CFAP54: variants seen among roughly 807,000 people sequenced by gnomAD.
CFAP54 encodes cilia- and flagella-associated protein 54.
A neutral mutation model predicts 370.4 loss-of-function variants in CFAP54; 290 were observed. The observed-to-expected ratio is 0.78, with a 90% CI of 0.71 to 0.86. CFAP54 has a LOEUF of 0.86. Among genes scored for constraint, CFAP54 ranks in the 40% least tolerant of loss-of-function variants. The probability of loss-of-function intolerance (pLI) is 0.00; values close to 1 mark genes in which losing one functional copy is unlikely to be tolerated. For missense variants in CFAP54, 3,399 were observed against 3,528.7 expected, an observed-to-expected ratio of 0.96 and a Z score of 0.93; for synonymous variants, 1,206 against 1,236.5, an observed-to-expected ratio of 0.98 and a Z score of 0.52.
At chr12:96,848,468 G>A (rs1005279164) in intron 66 of CFAP54, among the ~76,000 whole-genome samples, 1 of 152,170 alleles carries the variant, frequency 6.6e-6, no homozygotes, top group African/African-American at 2.4e-5. Context: ...GGAGGCCAAG[G>A]CAGGTGGATC....
At chr12:96,597,517 T>A (rs1680873410) in intron 25 of CFAP54, among the ~76,000 whole-genome samples, 1 of 152,000 alleles carries the variant, frequency 6.6e-6, no homozygotes, top group African/African-American at 2.4e-5. Context: ...GAAGTAACAG[T>A]ACCCCCAGAT....
intron 1 of CFAP54, among the ~76,000 whole-genome samples, chr12:96,500,190 G>A (rs1216935590): frequency 6.6e-6 from 1 of 152,200 alleles, no homozygotes; most frequent in African/African-American, 2.4e-5. Flanking sequence ...CTAAGTGAAA[G>A]AAGCCAATCT....
chr12:96,664,781 A>ATCTATATCTATATCTATC (rs1565934511), intron 39 of CFAP54, among the ~76,000 whole-genome samples: 2 of 25,924 alleles, frequency 7.7e-5, no homozygotes, highest in African/African-American at 2.5e-4. Context: ...CTATATCTAT[A>ATCTATATCTATATCTATC]TATATATATA....
chr12:96,664,777 C>CTATATATATATA (rs1255477327), intron 39 of CFAP54, among the ~76,000 whole-genome samples: 1 of 14,994 alleles, frequency 6.7e-5, no homozygotes, highest in Non-Finnish European at 1.3e-4. Context: ...ATATCTATAT[C>CTATATATATATA]TATATATATA....
intron 65 of CFAP54, among the ~76,000 whole-genome samples, chr12:96,825,662 G>C (rs1407335216): frequency 8.5e-6 from 1 of 117,260 alleles, no homozygotes; most frequent in Non-Finnish European, 1.6e-5. Flanking sequence ...TATATATCAT[G>C]CTATAATATA....
intron 24 of CFAP54, 91 bp from the exon 25 acceptor site, chr12:96,594,200 A>G (rs1956152619): frequency 1.3e-5 from 12 of 914,002 alleles, no homozygotes; most frequent in Non-Finnish European, 1.5e-5. Flanking sequence ...GTTTTTAGCC[A>G]GAAGGATCAC....
intron 64 of CFAP54, among the ~76,000 whole-genome samples, chr12:96,816,379 T>C (rs956065021): frequency 1.4e-4 from 22 of 152,188 alleles, no homozygotes; most frequent in Non-Finnish European, 2.6e-4. Context: ...ATTATTGGTG[T>C]ATAGGATGAC....
chr12:96,647,835 G>T (rs1411858272), intron 33 of CFAP54, 40 bp from the exon 34 acceptor site: 19 of 1,448,582 alleles, frequency 1.3e-5, no homozygotes, highest in African/African-American at 5.8e-5. Flanking sequence ...ATTCAATTTT[G>T]CTTATATTGT....
At position 96,811,626 on chromosome 12, in the gene CFAP54, CAAAT is replaced by C. The variant is rs1221525018; in HGVS notation, c.8851-108_8851-105del. ...GAAAACCCAATTTTTCTCTTCTAAACAAATACTTTTCAAAGTACAGTGATATTAT... is the reference window on the plus strand; with the variant it reads ...GAAAACCCAATTTTTCTCTTCTAAACACTTTTCAAAGTACAGTGATATTAT... On this transcript the variant is annotated intron_variant, in intron 63 of 67. Coordinates refer to ENST00000524981, the MANE Select transcript of CFAP54 (RefSeq NM_001306084.2). 9 of 591,298 alleles carry C rather than the reference CAAAT, an allele frequency of 1.5e-5. No individual in the cohort carries two copies. In the East Asian group the frequency reaches 2.6e-4, roughly 17 times the overall value. 36.6% of individuals were successfully genotyped at this position (591,298 alleles called of 1,614,324 possible).
In CFAP54 at chr12:96,644,003, T is replaced by A. The variant is rs1477586654; in HGVS notation, c.4317-175T>A. 2.6e-5 allele frequency among the ~76,000 whole-genome samples: 4 copies of A among 152,196 alleles called. No homozygotes were observed. The East Asian group carries it at 5.8e-4, about 22-fold the overall frequency. On this transcript the variant is annotated intron_variant, in intron 32 of 67. Coordinates refer to ENST00000524981, the MANE Select transcript of CFAP54 (RefSeq NM_001306084.2). ...TGGTGCTTATCCCTGTGCCTTTTTTTAAACCACCCTGGTTCATATTTCTAG... is the reference window on the plus strand; with the variant it reads ...TGGTGCTTATCCCTGTGCCTTTTTTAAAACCACCCTGGTTCATATTTCTAG...
At chr12:96,706,445 G>C (rs1415540837) in intron 47 of CFAP54, among the ~76,000 whole-genome samples, 2 of 152,164 alleles carry the variant, frequency 1.3e-5, no homozygotes, top group Non-Finnish European at 2.9e-5. Context: ...AAAGGTAAGT[G>C]AAAAGGCCCT....
intron 63 of CFAP54, among the ~76,000 whole-genome samples, chr12:96,808,924 C>A (rs1173863787): frequency 6.6e-6 from 1 of 152,144 alleles, no homozygotes; most frequent in African/African-American, 2.4e-5. Context: ...GGTAAAAAGA[C>A]CTTGAATGTC....
At chr12:96,493,896 G>C (rs1289894008) in intron 1 of CFAP54, among the ~76,000 whole-genome samples, 1 of 152,182 alleles carries the variant, frequency 6.6e-6, no homozygotes, top group Non-Finnish European at 1.5e-5. Context: ...AAAAGAAAAA[G>C]AGAAGAGGTT....
chr12:96,634,697 T>A (rs554692371), intron 32 of CFAP54, among the ~76,000 whole-genome samples: 1 of 152,180 alleles, frequency 6.6e-6, no homozygotes, highest in African/African-American at 2.4e-5. Flanking sequence ...TTTCCCCTGC[T>A]AAGTTTTATG....
intron 2 of CFAP54, 69 bp downstream of exon 2, chr12:96,501,008 T>A: frequency 1.2e-6 from 1 of 815,354 alleles, no homozygotes; most frequent in Non-Finnish European, 1.9e-6. Context: ...GTATTTAGTC[T>A]GATACCCTTC....
intron 15 of CFAP54, among the ~76,000 whole-genome samples, chr12:96,549,969 T>G (rs1276982806): frequency 1.3e-4 from 20 of 152,186 alleles, no homozygotes; most frequent in Admixed American, 1.3e-3. Context: ...ATGCTACTAT[T>G]TAAAAAATGT....
At chr12:96,592,467 C>A in intron 23 of CFAP54, 23 bp from the exon 24 acceptor site, 1 of 471,904 alleles carries the variant, frequency 2.1e-6, no homozygotes, top group Non-Finnish European at 3.7e-6. Flanking sequence ...ATATTTATAC[C>A]TGCCATTTAC....
intron 48 of CFAP54, 150 bp from the exon 49 acceptor site, chr12:96,718,293 A>T: frequency 1.9e-6 from 1 of 525,714 alleles, no homozygotes; most frequent in Non-Finnish European, 3.5e-6. Context: ...CAGGAGGTGA[A>T]GGTTGCAGTG....
chr12:96,799,426 C>T (rs1287953637), intron 63 of CFAP54, among the ~76,000 whole-genome samples: 2 of 152,150 alleles, frequency 1.3e-5, no homozygotes, highest in Non-Finnish European at 2.9e-5. Flanking sequence ...TGAGTGCTGT[C>T]CCCTCTAGCT....
Sources: gnomAD v4.1 joint callset for allele counts (sites outside exome capture counted in the v4.1 genomes callset) on GRCh38, gnomAD v4.1.1 for gene constraint, MANE v1.5 for transcripts, NCBI Gene and HGNC (gene_info 2026-07-23, HGNC 2026-07-21) for gene names.